Variants in WDFY3 observed in about 807,000 individuals in gnomAD.
WDFY3 encodes WD repeat and FYVE domain containing 3.
In WDFY3, 66 loss-of-function variants were observed where a neutral mutation model predicts 409.6. That is an observed-to-expected ratio of 0.16 (90% CI 0.13 to 0.20). The LOEUF (loss-of-function observed/expected upper bound fraction) is 0.20. Among genes scored for constraint, WDFY3 ranks in the 10% least tolerant of loss-of-function variants. The pLI is 1.00. For synonymous variants in WDFY3, 1,521 were observed against 1,537.1 expected, an observed-to-expected ratio of 0.99 and a Z score of 0.25; for missense variants, 3,031 against 4,298.1, an observed-to-expected ratio of 0.71 and a Z score of 8.24.
At chr4:84,962,047 ACAACT>A (rs1357678636) in intron 1 of WDFY3, among the ~76,000 whole-genome samples, 1 of 152,214 alleles carries the variant, frequency 6.6e-6, no homozygotes, top group Non-Finnish European at 1.5e-5. Flanking sequence ...AAAACTAGAA[ACAACT>A]CAAATGTCCA....
chr4:84,733,304 TA>T (rs1736913616), intron 44 of WDFY3, 77 bp downstream of exon 44: 1 of 1,477,596 alleles, frequency 6.8e-7, no homozygotes, highest in African/African-American at 1.4e-5. Context: ...GGTAATTGAC[TA>T]AATAGAGAAA....
intron 3 of WDFY3, among the ~76,000 whole-genome samples, chr4:84,862,876 A>C (rs1202199638): frequency 6.6e-6 from 1 of 152,154 alleles, no homozygotes; most frequent in African/African-American, 2.4e-5. Context: ...CACTCTCTCC[A>C]GCCCCTGGCA....
chr4:84,809,799 C>A (rs1752180968), intron 14 of WDFY3, 88 bp downstream of exon 14: 8 of 1,201,032 alleles, frequency 6.7e-6, no homozygotes, highest in Non-Finnish European at 9.3e-6. Flanking sequence ...TTTTCATATT[C>A]TTTTGGATTA....
rs77974837 is a variant in WDFY3, at chr4:84,733,921, T to C, written c.6994-312A>G. Among the ~76,000 whole-genome samples the C allele has an allele frequency of 7.0e-4, 107 of 152,250 alleles. 2 individuals are homozygous for C. In the East Asian group the frequency reaches 0.017, roughly 24 times the overall value. On this transcript the variant is annotated intron_variant, in intron 43 of 67. Coordinates refer to ENST00000295888, the MANE Select transcript of WDFY3 (RefSeq NM_014991.6). ...GATGGTAATATTACTATGAATTATA[T>C]TGAAATGGTTAGCCCTATGTGCGTT...
chr4:84,950,662 C>T (rs1420725205), intron 1 of WDFY3, among the ~76,000 whole-genome samples: 2 of 152,084 alleles, frequency 1.3e-5, no homozygotes, highest in African/African-American at 2.4e-5. Context: ...TGGTGGCATG[C>T]GCCTGTAGTC....
chr4:84,743,550 A>G lies in WDFY3; in HGVS notation c.6073+150T>C, dbSNP rs568741468. The G allele has an allele frequency of 1.8e-4, 78 of 421,828 alleles. No individual in the cohort carries two copies. In the Admixed American group the frequency reaches 3.4e-3, roughly 18 times the overall value. The allele number at this position is 421,828 out of a possible 1,614,324, so 26.1% of individuals were successfully genotyped here. A position where few individuals can be genotyped will look rare whatever the true frequency, so the allele number is the denominator to read the frequency against. ...ATAATGTACTCCTGCTACATGCAAC[A>G]AGATAGACAAATCTCACAAATATAA... On this transcript the variant is annotated intron_variant, in intron 37 of 67. Transcript: ENST00000295888.
chr4:84,825,370 T>C (rs1754704727), intron 10 of WDFY3, among the ~76,000 whole-genome samples: 1 of 151,718 alleles, frequency 6.6e-6, no homozygotes, highest in East Asian at 1.9e-4. Flanking sequence ...TTTTTTTTTT[T>C]TTTTGCTTTT....
At chr4:84,948,850 C>T (rs1373583250) in intron 1 of WDFY3, among the ~76,000 whole-genome samples, 1 of 152,122 alleles carries the variant, frequency 6.6e-6, no homozygotes, top group African/African-American at 2.4e-5. Flanking sequence ...GAGTCCAGTA[C>T]CCACAGACAG....
intron 3 of WDFY3, among the ~76,000 whole-genome samples, chr4:84,891,328 A>AT (rs1198933981): frequency 3.3e-5 from 5 of 152,216 alleles, no homozygotes; most frequent in Non-Finnish European, 7.3e-5. Flanking sequence ...ATCCTGACTG[A>AT]TTCATAGTGC....
At chr4:84,730,709 C>G (rs1275204803) in intron 44 of WDFY3, among the ~76,000 whole-genome samples, 5 of 152,020 alleles carry the variant, frequency 3.3e-5, no homozygotes, top group African/African-American at 1.2e-4. Flanking sequence ...TTTTTGCTTC[C>G]TAGGCCATAT....
At chr4:84,707,949 T>C (rs1398872637) in intron 53 of WDFY3, among the ~76,000 whole-genome samples, 2 of 152,232 alleles carry the variant, frequency 1.3e-5, no homozygotes, top group Admixed American at 1.3e-4. Context: ...AATATGTTGA[T>C]GTCTAAAATT....
At chr4:84,881,614 C>T (rs2150403934) in intron 3 of WDFY3, among the ~76,000 whole-genome samples, 1 of 151,628 alleles carries the variant, frequency 6.6e-6, no homozygotes, top group Middle Eastern at 3.4e-3. Context: ...AAGCCAGGTG[C>T]AGTGGCTCAC....
intron 57 of WDFY3, 89 bp downstream of exon 57, chr4:84,696,643 G>T: frequency 7.6e-7 from 1 of 1,311,930 alleles, no homozygotes; most frequent in Non-Finnish European, 1.1e-6. Flanking sequence ...GTAACAAACA[G>T]GTGGTACTCT....
At position 84,794,927 on chromosome 4, in the gene WDFY3, C is replaced by T. The variant is rs371586000; in HGVS notation, c.3220G>A (p.Val1074Ile). 97 of 1,577,146 alleles carry T rather than the reference C, an allele frequency of 6.2e-5. No individual in the cohort carries two copies. The highest frequency in any genetic ancestry group is 4.3e-4 in the South Asian group (35 of 82,208). The change falls in exon 20 of 68, where the codon GTC (valine) becomes ATC (isoleucine). Residue 1074 changes from valine to isoleucine, a missense_variant. Val to Ile is a conservative substitution (Grantham distance 29). Transcript: ENST00000295888. ...APHNAPTNNT[V>I]TTGLIDGAVV... Reference sequence around the variant, plus strand: ...GCCCCATCAATAAGACCTGTTGTGACGGTATTATTTGTAGGAGCATTATGA... The same window carrying T: ...GCCCCATCAATAAGACCTGTTGTGATGGTATTATTTGTAGGAGCATTATGA...
intron 25 of WDFY3, among the ~76,000 whole-genome samples, chr4:84,782,366 T>G (rs566717121): frequency 7.7e-6 from 1 of 130,292 alleles, no homozygotes; most frequent in East Asian, 2.5e-4. Flanking sequence ...AGGGAAACAG[T>G]GCAATTTTTT....
chr4:84,831,304 T>C (rs1166051879), intron 8 of WDFY3, 109 bp downstream of exon 8: 2 of 919,108 alleles, frequency 2.2e-6, no homozygotes, highest in Middle Eastern at 3.9e-4. Context: ...ATTTATTTTT[T>C]ATTTTAAAGA....
chr4:84,813,547 A>G (rs1024109514), intron 13 of WDFY3, among the ~76,000 whole-genome samples: 3 of 152,150 alleles, frequency 2.0e-5, no homozygotes, highest in Non-Finnish European at 4.4e-5. Flanking sequence ...ATTCAGTGGC[A>G]CATTAGTTGA....
intron 11 of WDFY3, 122 bp downstream of exon 11, chr4:84,820,962 G>T: frequency 9.9e-7 from 1 of 1,008,408 alleles, no homozygotes; most frequent in Non-Finnish European, 1.4e-6. Flanking sequence ...TCACTAATAT[G>T]TCACAATAAT....
chr4:84,906,757 T>C (rs1029888337), intron 2 of WDFY3, among the ~76,000 whole-genome samples: 1 of 150,966 alleles, frequency 6.6e-6, no homozygotes, highest in East Asian at 1.9e-4. Context: ...TAAAACATTA[T>C]GAGATATTTT....
Sources: gnomAD v4.1 joint callset for allele counts (sites outside exome capture counted in the v4.1 genomes callset) on GRCh38, gnomAD v4.1.1 for gene constraint, MANE v1.5 for transcripts, NCBI Gene and HGNC (gene_info 2026-07-23, HGNC 2026-07-21) for gene names.